Variants in CADM2 observed in about 807,000 individuals in gnomAD.
The protein encoded by CADM2 is cell adhesion molecule 2.
CADM2 carries 12 observed loss-of-function variants against 49.8 expected under a neutral mutation model. That is an observed-to-expected ratio of 0.24 (90% confidence interval 0.15 to 0.39). The LOEUF (loss-of-function observed/expected upper bound fraction) is 0.39, where lower values mean the gene tolerates loss of function less well. CADM2 is among the 10% of genes least tolerant of loss of function. CADM2 has a pLI of 1.00. For synonymous variants in CADM2, 214 were observed against 175.4 expected, an observed-to-expected ratio of 1.22 and a Z score of -1.74; for missense variants, 378 against 492.3, an observed-to-expected ratio of 0.77 and a Z score of 2.20.
At chr3:85,248,718 T>C (rs1037683419) in intron 1 of CADM2, among the ~76,000 whole-genome samples, 87 of 152,288 alleles carry the variant, frequency 5.7e-4, no homozygotes, top group African/African-American at 2.0e-3. Flanking sequence ...GGTGAAAAAA[T>C]ATTTAAATCG....
intron 1 of CADM2, among the ~76,000 whole-genome samples, chr3:85,005,809 GTGTGT>G (rs1423056111): frequency 3.9e-5 from 6 of 151,942 alleles, no homozygotes; most frequent in Non-Finnish European, 8.8e-5. Flanking sequence ...ATGGAATTGT[GTGTGT>G]TGTATTTTTC....
intron 5 of CADM2, among the ~76,000 whole-genome samples, chr3:85,897,036 A>G (rs1701027081): frequency 6.6e-6 from 1 of 152,094 alleles, no homozygotes; most frequent in African/African-American, 2.4e-5. Context: ...CCGTGGGATT[A>G]GAGACTAATA....
chr3:85,405,950 A>G (rs2035355145), intron 1 of CADM2, among the ~76,000 whole-genome samples: 1 of 151,908 alleles, frequency 6.6e-6, no homozygotes, highest in Non-Finnish European at 1.5e-5. Context: ...TAAAAAGTAA[A>G]TAAAAGTAGA....
At chr3:85,536,227 A>G (rs1013890842) in intron 1 of CADM2, among the ~76,000 whole-genome samples, 5 of 152,094 alleles carry the variant, frequency 3.3e-5, no homozygotes, top group African/African-American at 1.2e-4. Context: ...AATAAAAGAT[A>G]TTCAAAGCTA....
At chr3:85,720,922 A>C (rs2067481535) in intron 1 of CADM2, among the ~76,000 whole-genome samples, 1 of 152,362 alleles carries the variant, frequency 6.6e-6, no homozygotes, top group Non-Finnish European at 1.5e-5. Context: ...GTGTTATTTC[A>C]ATCATAAAGG....
At chr3:84,982,894 C>T (rs575102139) in intron 1 of CADM2, among the ~76,000 whole-genome samples, 7 of 150,500 alleles carry the variant, frequency 4.7e-5, no homozygotes, top group South Asian at 4.2e-4. Context: ...TACAGGCGTC[C>T]GCCACCATGC....
intron 1 of CADM2, among the ~76,000 whole-genome samples, chr3:85,658,593 T>TGCA (rs2065286553): frequency 7.3e-6 from 1 of 137,814 alleles, no homozygotes; most frequent in Non-Finnish European, 1.6e-5. Flanking sequence ...TATATATATA[T>TGCA]ATATATATAT....
At chr3:85,178,091 A>C (rs1040644854) in intron 1 of CADM2, among the ~76,000 whole-genome samples, 1 of 151,914 alleles carries the variant, frequency 6.6e-6, no homozygotes, top group Non-Finnish European at 1.5e-5. Context: ...AGCTTGATGC[A>C]ATCTGGGATT....
At chr3:85,137,873 G>A (rs911596038) in intron 1 of CADM2, among the ~76,000 whole-genome samples, 1 of 151,964 alleles carries the variant, frequency 6.6e-6, no homozygotes, top group Non-Finnish European at 1.5e-5. Flanking sequence ...AATATATTAT[G>A]TATAAAACTT....
At chr3:85,640,742 A>G (rs2064685055) in intron 1 of CADM2, among the ~76,000 whole-genome samples, 1 of 152,236 alleles carries the variant, frequency 6.6e-6, no homozygotes, top group African/African-American at 2.4e-5. Context: ...CATTCTGTTA[A>G]CACCTTAAAG....
At chr3:86,019,230 G>A (rs1732776749) in intron 8 of CADM2, among the ~76,000 whole-genome samples, 1 of 137,516 alleles carries the variant, frequency 7.3e-6, no homozygotes, top group South Asian at 2.6e-4. Context: ...CTGTTCCATT[G>A]ATCTATATCT....
At chr3:85,513,587 C>A (rs1418511957) in intron 1 of CADM2, among the ~76,000 whole-genome samples, 1 of 151,818 alleles carries the variant, frequency 6.6e-6, no homozygotes, top group Non-Finnish European at 1.5e-5. Context: ...GCAAAATATT[C>A]TTTATCATAT....
chr3:85,245,516 A>G (rs1444102605), intron 1 of CADM2, among the ~76,000 whole-genome samples: 5 of 151,534 alleles, frequency 3.3e-5, no homozygotes, highest in Admixed American at 3.3e-4. Flanking sequence ...GTCTCAAAAA[A>G]AAAAAAGATA....
chr3:85,657,831 T>G (rs1280197630), intron 1 of CADM2, among the ~76,000 whole-genome samples: 3 of 149,610 alleles, frequency 2.0e-5, no homozygotes, highest in Admixed American at 1.3e-4. Flanking sequence ...GATCAAGTCT[T>G]AATCTCTAGT....
At chr3:85,813,526 G>T (rs1042394984) in intron 3 of CADM2, among the ~76,000 whole-genome samples, 7 of 152,164 alleles carry the variant, frequency 4.6e-5, no homozygotes, top group Non-Finnish European at 8.8e-5. Context: ...TTGCTGTGCA[G>T]AAGTTCTTTA....
At chr3:85,988,481 T>A (rs1728382189) in intron 8 of CADM2, among the ~76,000 whole-genome samples, 1 of 152,154 alleles carries the variant, frequency 6.6e-6, no homozygotes, top group Admixed American at 6.5e-5. Flanking sequence ...AAGAAATATA[T>A]CTATTAAATG....
chr3:85,209,409 T>G (rs989951637), intron 1 of CADM2, among the ~76,000 whole-genome samples: 1 of 152,158 alleles, frequency 6.6e-6, no homozygotes, highest in African/African-American at 2.4e-5. Context: ...AAGGTTAAGT[T>G]GATTTCCCGA....
At chr3:85,592,566 C>G (rs921858166) in intron 1 of CADM2, among the ~76,000 whole-genome samples, 3 of 151,870 alleles carry the variant, frequency 2.0e-5, no homozygotes, top group Non-Finnish European at 4.4e-5. Context: ...TTTGGGTCAA[C>G]AATACCTTTA....
intron 8 of CADM2, chr3:85,992,188 T>A (rs933369146): frequency 1.3e-5 from 2 of 152,032 alleles, no homozygotes; most frequent in Non-Finnish European, 2.9e-5. Flanking sequence ...TTGCAAATAT[T>A]CTCAGAGATT....
Sources: allele counts gnomAD v4.1 joint callset (sites outside exome capture counted in the v4.1 genomes callset), GRCh38; gene constraint gnomAD v4.1.1; transcripts MANE v1.5; gene names NCBI Gene and HGNC (gene_info 2026-07-23, HGNC 2026-07-21).